The following MGAT4A variants were observed in gnomAD, a reference collection of about 807,000 sequenced individuals.
MGAT4A encodes N-acetylglucosaminyltransferase IVa.
A neutral mutation model predicts 74.1 loss-of-function variants in MGAT4A; 33 were observed. The ratio of observed to expected loss-of-function variants is 0.45; its 90% CI spans 0.34 to 0.60. MGAT4A has a LOEUF of 0.60. MGAT4A is among the 20% of genes least tolerant of loss of function. The probability of loss-of-function intolerance (pLI) is 0.02; values close to 1 mark genes in which losing one functional copy is unlikely to be tolerated. For missense variants in MGAT4A, 479 were observed against 628.3 expected (o/e 0.76, Z 2.54); for synonymous variants, 198 against 210.4 (o/e 0.94, Z 0.51).
chr2:98,629,027 T>A (rs185899362), intron 14 of MGAT4A, among the ~76,000 whole-genome samples: 2 of 152,238 alleles, frequency 1.3e-5, no homozygotes. Context: ...GAATTTTATA[T>A]AATTTTCACA....
chr2:98,690,221 A>G (rs1317890779), intron 2 of MGAT4A, among the ~76,000 whole-genome samples: 7 of 152,198 alleles, frequency 4.6e-5, no homozygotes, highest in Non-Finnish European at 1.0e-4. Context: ...CCTGACACCC[A>G]TAATATGTGG....
chr2:98,635,967 C>T (rs1005739308), intron 13 of MGAT4A, among the ~76,000 whole-genome samples: 1 of 146,028 alleles, frequency 6.8e-6, no homozygotes, highest in African/African-American at 2.7e-5. Context: ...CAGCCAGTGA[C>T]AGAGCGAGAC....
intron 14 of MGAT4A, among the ~76,000 whole-genome samples, chr2:98,631,768 C>T (rs1701237854): frequency 6.6e-6 from 1 of 152,218 alleles, no homozygotes; most frequent in Non-Finnish European, 1.5e-5. Context: ...TCCAATTCAT[C>T]CGGTACACCA....
intron 2 of MGAT4A, among the ~76,000 whole-genome samples, chr2:98,679,865 G>T (rs1413333552): frequency 6.6e-6 from 1 of 152,038 alleles, no homozygotes; most frequent in Non-Finnish European, 1.5e-5. Context: ...CCTGAGAGAT[G>T]GTGGAAGAAG....
intron 4 of MGAT4A, among the ~76,000 whole-genome samples, chr2:98,667,303 G>A (rs781576313): frequency 1.1e-4 from 16 of 152,258 alleles, no homozygotes; most frequent in African/African-American, 2.2e-4. Flanking sequence ...GGGCACTGCC[G>A]AAAAGATACC....
chr2:98,649,861 C>CA (rs895114675), intron 8 of MGAT4A, among the ~76,000 whole-genome samples: 4 of 151,900 alleles, frequency 2.6e-5, no homozygotes, highest in Non-Finnish European at 5.9e-5. Context: ...ATCCCAACAA[C>CA]AAAAAACAAG....
chr2:98,669,547 C>T (rs935205197), intron 4 of MGAT4A, among the ~76,000 whole-genome samples: 1 of 152,094 alleles, frequency 6.6e-6, no homozygotes, highest in Non-Finnish European at 1.5e-5. Flanking sequence ...GAGAATAAAC[C>T]ATTTTATCCC....
intron 2 of MGAT4A, among the ~76,000 whole-genome samples, chr2:98,723,605 T>C (rs1413371278): frequency 6.6e-6 from 1 of 152,132 alleles, no homozygotes; most frequent in Non-Finnish European, 1.5e-5. Flanking sequence ...AGCTAAACAC[T>C]GAGAGGGCCT....
At chr2:98,706,366 TGA>T (rs1015965486) in intron 2 of MGAT4A, among the ~76,000 whole-genome samples, 13 of 152,062 alleles carry the variant, frequency 8.5e-5, no homozygotes, top group African/African-American at 2.2e-4. Flanking sequence ...CAAAATGATG[TGA>T]GTTTTATTTT....
At chr2:98,669,820 A>G (rs1360522451) in intron 4 of MGAT4A, among the ~76,000 whole-genome samples, 1 of 152,196 alleles carries the variant, frequency 6.6e-6, no homozygotes, top group Non-Finnish European at 1.5e-5. Context: ...TTAATAGCCC[A>G]TGAGTCATCA....
At chr2:98,700,149 A>G (rs1702331723) in intron 2 of MGAT4A, among the ~76,000 whole-genome samples, 1 of 152,146 alleles carries the variant, frequency 6.6e-6, no homozygotes, top group African/African-American at 2.4e-5. Context: ...CCTGCATATA[A>G]GCAGTGGCTG....
rs34897914 is a variant in MGAT4A, at chr2:98,677,905, C to CA, written c.262+398dup. On this transcript the variant is annotated intron_variant, in intron 3 of 15. Transcript: ENST00000393487. ...CTTATAAACTATTCTACATGACTTTCAAAAAAAAATTCCACATGCCCCTTT... is the reference window on the plus strand; with the variant it reads ...CTTATAAACTATTCTACATGACTTTCAAAAAAAAAATTCCACATGCCCCTTT... Among the ~76,000 whole-genome samples, 94 of 132,796 alleles carry CA rather than the reference C, an allele frequency of 7.1e-4. 1 individual carries two copies. Among genetic ancestry groups the CA allele is most frequent in the African/African-American group, 2.6e-3 (91 of 35,666 alleles). The allele number at this position is 132,796 out of a possible 152,430, so 87.1% of individuals were successfully genotyped here.
At chr2:98,651,214 AT>A (rs1167384074) in intron 8 of MGAT4A, among the ~76,000 whole-genome samples, 1 of 152,232 alleles carries the variant, frequency 6.6e-6, no homozygotes, top group African/African-American at 2.4e-5. Flanking sequence ...AAAGCACCAT[AT>A]AAAAATATAA....
At chr2:98,679,294 TA>T (rs1321199161) in intron 2 of MGAT4A, among the ~76,000 whole-genome samples, 1 of 151,032 alleles carries the variant, frequency 6.6e-6, no homozygotes, top group African/African-American at 2.4e-5. Flanking sequence ...TAGTCCCAGC[TA>T]CTCGGGAGGC....
At chr2:98,685,917 T>C (rs1324945877) in intron 2 of MGAT4A, among the ~76,000 whole-genome samples, 1 of 152,182 alleles carries the variant, frequency 6.6e-6, no homozygotes, top group East Asian at 1.9e-4. Context: ...GGGGTAGTTC[T>C]AGACTCGAGC....
In MGAT4A at chr2:98,655,472, A is replaced by G; in HGVS notation, c.747T>C (p.Ala249=). ...GAATGTAATATATGCCCTTTTCTTG[A>G]GCATACATCATTAGAAAACAGTAAT... ...NLDYCFLMMY[A]QEKGIYYIQL... is the part of the protein sequence containing the mutation. The change falls in exon 8 of 16, where the codon GCT becomes GCC. Residue 249 remains alanine, a synonymous_variant. Transcript: ENST00000393487. 6.2e-7 allele frequency: 1 copy of G among 1,609,452 alleles called. No homozygotes were observed. The highest frequency in any genetic ancestry group is 8.5e-7 in the Non-Finnish European group (1 of 1,177,460).
At chr2:98,676,923 A>G (rs746205138) in intron 3 of MGAT4A, among the ~76,000 whole-genome samples, 2 of 152,244 alleles carry the variant, frequency 1.3e-5, no homozygotes, top group Non-Finnish European at 2.9e-5. Flanking sequence ...ATGAGTTTCA[A>G]CATCAGGGTG....
rs1191725152 is a variant in MGAT4A, at chr2:98,729,511, T to C, written c.-236+1537A>G. Among the ~76,000 whole-genome samples, 4 of 152,204 alleles carry C rather than the reference T, an allele frequency of 2.6e-5. No individual in the cohort carries two copies. The East Asian group carries it at 7.7e-4, about 29-fold the overall frequency. ...AGCCCCTTAATATTCTCGGAGACTA[T>C]AATCTAACACGTTTGAATCTTTAAC... is the stretch of plus-strand genomic sequence containing the variant. On this transcript the variant is annotated intron_variant, in intron 1 of 15. Transcript: ENST00000393487.
intron 2 of MGAT4A, among the ~76,000 whole-genome samples, chr2:98,707,357 T>C (rs963480961): frequency 1.3e-5 from 2 of 152,140 alleles, no homozygotes; most frequent in African/African-American, 2.4e-5. Flanking sequence ...AAGAAGCTCA[T>C]TGTTTAAACT....
Sources: gnomAD v4.1 joint callset for allele counts (sites outside exome capture counted in the v4.1 genomes callset) on GRCh38, gnomAD v4.1.1 for gene constraint, MANE v1.5 for transcripts, NCBI Gene and HGNC (gene_info 2026-07-23, HGNC 2026-07-21) for gene names.